FAM227B: variants seen among roughly 807,000 people sequenced by gnomAD.
The protein encoded by FAM227B is family with sequence similarity 227 member B.
FAM227B carries 88 observed loss-of-function variants against 73.8 expected under a neutral mutation model. The observed-to-expected ratio is 1.19, with a 90% confidence interval of 1.00 to 1.42. The LOEUF (loss-of-function observed/expected upper bound fraction) is 1.42. Among genes scored for constraint, FAM227B ranks in the 40% most tolerant of loss-of-function variants. The pLI is 0.00. For synonymous variants in FAM227B, 210 were observed against 190.5 expected (o/e 1.10, Z -0.84); for missense variants, 632 against 590.9 (o/e 1.07, Z -0.72).
intron 11 of FAM227B, among the ~76,000 whole-genome samples, chr15:49,472,556 T>C (rs2054872759): frequency 6.6e-6 from 1 of 152,112 alleles, no homozygotes; most frequent in Non-Finnish European, 1.5e-5. Flanking sequence ...AAAAATTCTA[T>C]TGCTATGGAA....
At chr15:49,494,256 A>AACACAC (rs374477211) in intron 11 of FAM227B, among the ~76,000 whole-genome samples, 2,770 of 140,690 alleles carry the variant, frequency 0.02, 78 homozygotes, top group African/African-American at 0.059. Flanking sequence ...GAGACACACA[A>AACACAC]ACACACACAC....
At chr15:49,476,864 C>T (rs1193149362) in intron 11 of FAM227B, among the ~76,000 whole-genome samples, 1 of 151,936 alleles carries the variant, frequency 6.6e-6, no homozygotes, top group Non-Finnish European at 1.5e-5. Flanking sequence ...TTGAGACCAT[C>T]CTGGCTAACA....
At chr15:49,372,444 C>G (rs1596656095) in intron 11 of FAM227B, among the ~76,000 whole-genome samples, 1 of 152,134 alleles carries the variant, frequency 6.6e-6, no homozygotes. Flanking sequence ...TAAATTGGGT[C>G]TTTTGCTTCT....
At chr15:49,610,965 C>T (rs2077871393) in intron 3 of FAM227B, among the ~76,000 whole-genome samples, 1 of 151,744 alleles carries the variant, frequency 6.6e-6, no homozygotes, top group African/African-American at 2.4e-5. Context: ...CTTACAATAA[C>T]AAAAGTATAT....
At chr15:49,580,228 G>C (rs957955075) in intron 5 of FAM227B, among the ~76,000 whole-genome samples, 5 of 152,132 alleles carry the variant, frequency 3.3e-5, no homozygotes, top group Admixed American at 3.3e-4. Context: ...ATAAAACTAA[G>C]TAGTCACAAT....
intron 11 of FAM227B, among the ~76,000 whole-genome samples, chr15:49,399,246 T>C (rs1242014165): frequency 0.11 from 13,406 of 117,828 alleles, 895 homozygotes; most frequent in Non-Finnish European, 0.17. Flanking sequence ...CTAGAAAATC[T>C]AGAAGAAATG....
At chr15:49,533,718 A>T (rs950708650) in intron 10 of FAM227B, among the ~76,000 whole-genome samples, 1 of 151,700 alleles carries the variant, frequency 6.6e-6, no homozygotes, top group Non-Finnish European at 1.5e-5. Flanking sequence ...TATCATTTGC[A>T]TGGATTATCT....
intron 10 of FAM227B, among the ~76,000 whole-genome samples, chr15:49,537,316 T>C (rs886863816): frequency 1.4e-4 from 22 of 152,090 alleles, no homozygotes; most frequent in African/African-American, 5.3e-4. Context: ...CACAGAAGTA[T>C]ATGAAAAGGT....
intron 11 of FAM227B, among the ~76,000 whole-genome samples, chr15:49,466,496 T>C (rs183532105): frequency 1.3e-3 from 200 of 152,282 alleles, no homozygotes; most frequent in Admixed American, 5.8e-3. Flanking sequence ...CTTTGGATAG[T>C]AAATAAAAGA....
chr15:49,600,438 G>A (rs1379162132), intron 3 of FAM227B, among the ~76,000 whole-genome samples: 3 of 150,918 alleles, frequency 2.0e-5, no homozygotes, highest in African/African-American at 2.4e-5. Context: ...TGGGTCACCC[G>A]AGGTTAGGAG....
chr15:49,365,821 C>T (rs2045067941), intron 13 of FAM227B: 2 of 871,292 alleles, frequency 2.3e-6, no homozygotes, highest in Non-Finnish European at 4.0e-6. Flanking sequence ...AAACATAAGT[C>T]TCACTTCCAT....
At chr15:49,554,911 C>A (rs917928122) in intron 9 of FAM227B, among the ~76,000 whole-genome samples, 2 of 152,042 alleles carry the variant, frequency 1.3e-5, no homozygotes, top group African/African-American at 4.8e-5. Context: ...ATAGCAACTT[C>A]TGCTTCTTTT....
At chr15:49,581,809 C>G (rs2075829543) in intron 5 of FAM227B, among the ~76,000 whole-genome samples, 1 of 152,152 alleles carries the variant, frequency 6.6e-6, no homozygotes, top group South Asian at 2.1e-4. Context: ...CCGTTACTAG[C>G]CACCAGAGAA....
intron 14 of FAM227B, among the ~76,000 whole-genome samples, chr15:49,333,566 G>C (rs774556347): frequency 1.3e-5 from 2 of 152,168 alleles, no homozygotes; most frequent in Non-Finnish European, 1.5e-5. Flanking sequence ...AGAAAGCTGG[G>C]TGATAAAGTT....
intron 10 of FAM227B, among the ~76,000 whole-genome samples, chr15:49,520,380 A>G (rs2059695438): frequency 6.6e-6 from 1 of 151,810 alleles, no homozygotes; most frequent in Middle Eastern, 3.4e-3. Context: ...AACTGTTTCA[A>G]CCTCTCTGCC....
Position 49,474,637 on chromosome 15 carries a change from C to A in FAM227B, c.1012+33574G>T, listed in dbSNP as rs2055076035. On this transcript the variant is annotated intron_variant, in intron 11 of 15. Coordinates refer to ENST00000299338, the MANE Select transcript of FAM227B (RefSeq NM_152647.3). Reference sequence around the variant, plus strand: ...AAAATATCAGTTTTCGGCAGGAGCCCCCAACCCCTGGGCTGGGGACCGGTA... The same window carrying A: ...AAAATATCAGTTTTCGGCAGGAGCCACCAACCCCTGGGCTGGGGACCGGTA... Among the ~76,000 whole-genome samples, 4 of 152,046 alleles carry A rather than the reference C, an allele frequency of 2.6e-5. No homozygotes were observed. The South Asian group carries it at 8.3e-4, about 32-fold the overall frequency.
chr15:49,597,419 A>G (rs2076947633), intron 3 of FAM227B, among the ~76,000 whole-genome samples: 1 of 152,030 alleles, frequency 6.6e-6, no homozygotes, highest in Non-Finnish European at 1.5e-5. Context: ...AATTGAACTG[A>G]ACAATAATAT....
At chr15:49,591,889 C>A (rs1175191202) in intron 3 of FAM227B, among the ~76,000 whole-genome samples, 7 of 152,150 alleles carry the variant, frequency 4.6e-5, no homozygotes, top group Non-Finnish European at 1.0e-4. Flanking sequence ...CACACACACA[C>A]CATATTTTCT....
intron 2 of FAM227B, among the ~76,000 whole-genome samples, chr15:49,612,001 T>C (rs73406014): frequency 0.062 from 9,410 of 151,932 alleles, 1,027 homozygotes; most frequent in African/African-American, 0.22. Context: ...TCTATGAGGA[T>C]AGAAACTATG....
Sources: gnomAD v4.1 joint callset for allele counts (sites outside exome capture counted in the v4.1 genomes callset) on GRCh38, gnomAD v4.1.1 for gene constraint, MANE v1.5 for transcripts, NCBI Gene and HGNC (gene_info 2026-07-23, HGNC 2026-07-21) for gene names.